The following DTNBP1 variants were observed in gnomAD, a reference collection of about 807,000 sequenced individuals.
The protein encoded by DTNBP1 is dystrobrevin binding protein 1.
DTNBP1 carries 35 observed loss-of-function variants against 42.8 expected under a neutral mutation model. The observed-to-expected ratio is 0.82, with a 90% CI of 0.63 to 1.09. The LOEUF is 1.09. DTNBP1 is among the 50% of genes least tolerant of loss of function. The pLI, the probability that DTNBP1 is intolerant of heterozygous loss-of-function variation, is 0.00. For missense variants in DTNBP1, 457 were observed against 424.2 expected (o/e 1.08, Z -0.68); for synonymous variants, 171 against 162.2 (o/e 1.05, Z -0.41).
At chr6:15,615,450 T>G (rs1758661683) in intron 5 of DTNBP1, 51 bp from the exon 6 acceptor site, 3 of 1,605,136 alleles carry the variant, frequency 1.9e-6, no homozygotes, top group Non-Finnish European at 2.6e-6. Flanking sequence ...TCCTCAATCA[T>G]GATGAATACA....
chr6:15,623,195 A>C (rs1295754643), intron 5 of DTNBP1, among the ~76,000 whole-genome samples: 1 of 152,226 alleles, frequency 6.6e-6, no homozygotes, highest in Non-Finnish European at 1.5e-5. Context: ...CTCAGAAAGG[A>C]ACCTGGACAT....
chr6:15,526,672 C>T (rs770596582), intron 8 of DTNBP1, among the ~76,000 whole-genome samples: 4 of 152,144 alleles, frequency 2.6e-5, no homozygotes, highest in African/African-American at 7.2e-5. Context: ...TTTGAAGGCA[C>T]GCTGGTCAGG....
chr6:15,610,294 C>T (rs561581268), intron 6 of DTNBP1, among the ~76,000 whole-genome samples: 1 of 152,300 alleles, frequency 6.6e-6, no homozygotes, highest in African/African-American at 2.4e-5. Context: ...ATATTGTTGT[C>T]ATTGTTTTGG....
At chr6:15,585,871 G>T in intron 7 of DTNBP1, 1 of 1,422,486 alleles carries the variant, frequency 7.0e-7, no homozygotes, top group Non-Finnish European at 9.2e-7. Context: ...AACAAAGGAA[G>T]TGAGGCTGAA....
intron 3 of DTNBP1, among the ~76,000 whole-genome samples, chr6:15,644,213 T>C (rs975372777): frequency 6.8e-6 from 1 of 147,026 alleles, no homozygotes; most frequent in Non-Finnish European, 1.5e-5. Flanking sequence ...TACAACATAA[T>C]GATAAAGAGC....
chr6:15,581,025 G>C (rs957299415), intron 7 of DTNBP1, among the ~76,000 whole-genome samples: 2 of 152,210 alleles, frequency 1.3e-5, no homozygotes, highest in Non-Finnish European at 2.9e-5. Context: ...AAGGTTGGTA[G>C]AGAGTGTGAA....
chr6:15,560,957 C>T (rs1383224339), intron 7 of DTNBP1, among the ~76,000 whole-genome samples: 10 of 152,254 alleles, frequency 6.6e-5, no homozygotes, highest in Middle Eastern at 3.4e-3. Context: ...ATAATCAGGC[C>T]AGGTATAATA....
intron 7 of DTNBP1, among the ~76,000 whole-genome samples, chr6:15,589,741 T>C (rs898533336): frequency 6.6e-6 from 1 of 152,208 alleles, no homozygotes; most frequent in Non-Finnish European, 1.5e-5. Flanking sequence ...CATCCCTGGA[T>C]ACTCTCCAAG....
chr6:15,630,372 C>A (rs183862887), intron 4 of DTNBP1, among the ~76,000 whole-genome samples: 1 of 152,162 alleles, frequency 6.6e-6, no homozygotes, highest in African/African-American at 2.4e-5. Flanking sequence ...TCCAACACTA[C>A]GTTCAGTTCA....
At chr6:15,539,601 C>T (rs1385398825) in intron 7 of DTNBP1, among the ~76,000 whole-genome samples, 2 of 152,216 alleles carry the variant, frequency 1.3e-5, no homozygotes, top group African/African-American at 4.8e-5. Context: ...GGAATTAAGG[C>T]AGTTCTCAAC....
rs557339687 is a variant in DTNBP1 at position 15,555,211 on chromosome 6, C to T, written c.512-21816G>A. 1.2e-3 allele frequency among the ~76,000 whole-genome samples: 177 copies of T among 150,558 alleles called. 1 individual carries two copies. Among genetic ancestry groups the T allele is most frequent in the African/African-American group, 4.0e-3 (165 of 40,814 alleles). On this transcript the variant is annotated intron_variant, in intron 7 of 9. Coordinates refer to ENST00000344537, the MANE Select transcript of DTNBP1 (RefSeq NM_032122.5). The stretch of plus-strand genomic sequence containing the variant: ...TACGCACACAAGATAAAACACTTTC[C>T]TCTTTGCTGGAATCTCTTAATGTTG...
intron 6 of DTNBP1, among the ~76,000 whole-genome samples, chr6:15,610,304 G>A (rs936250196): frequency 1.3e-5 from 2 of 152,076 alleles, no homozygotes; most frequent in African/African-American, 4.8e-5. Flanking sequence ...CATTGTTTTG[G>A]GGTGCCACAA....
chr6:15,663,016 G>T lies in DTNBP1; in HGVS notation c.-147C>A, dbSNP rs750701439. 1.7e-6 allele frequency: 2 copies of T among 1,168,992 alleles called. No individual in the cohort carries two copies. The highest frequency in any genetic ancestry group is 1.2e-6 in the Non-Finnish European group (1 of 832,692). The allele number at this position is 1,168,992 out of a possible 1,614,324, so 72.4% of individuals were successfully genotyped here. ...CGCCCCCGGTCTGGTCCTCGCCGCC[G>T]CGCCGCAACCCCAGCCCCTTCCGCG... On this transcript the variant is annotated 5_prime_UTR_variant, in exon 1 of 10. Transcript: ENST00000344537.
intron 3 of DTNBP1, among the ~76,000 whole-genome samples, chr6:15,641,654 TGTC>T (rs1441123714): frequency 6.6e-6 from 1 of 152,142 alleles, no homozygotes; most frequent in Non-Finnish European, 1.5e-5. Flanking sequence ...ATACCATACT[TGTC>T]GTGCGCCAGC....
chr6:15,611,616 A>G (rs1390370799), intron 6 of DTNBP1, among the ~76,000 whole-genome samples: 1 of 152,230 alleles, frequency 6.6e-6, no homozygotes, highest in Non-Finnish European at 1.5e-5. Context: ...GCCATTAAGA[A>G]TGTTCATAAT....
intron 1 of DTNBP1, among the ~76,000 whole-genome samples, chr6:15,662,555 G>A (rs1761708892): frequency 6.6e-6 from 1 of 152,126 alleles, no homozygotes; most frequent in African/African-American, 2.4e-5. Context: ...CACCCCCCCC[G>A]GGCGCTCCGC....
intron 1 of DTNBP1, among the ~76,000 whole-genome samples, chr6:15,657,981 T>C (rs1474605): frequency 0.26 from 38,813 of 152,070 alleles, 5,703 homozygotes; most frequent in African/African-American, 0.4. Flanking sequence ...CTAATGACTC[T>C]TTCTTCGGAC....
chr6:15,627,574 T>G, intron 4 of DTNBP1, 99 bp from the exon 5 acceptor site: 1 of 1,517,770 alleles, frequency 6.6e-7, no homozygotes, highest in South Asian at 1.2e-5. Context: ...TAACAACCCC[T>G]CTACTCAGTA....
chr6:15,595,250 CTTTTTTTTT>C (rs561001975), intron 6 of DTNBP1: 174 of 310,208 alleles, frequency 5.6e-4, no homozygotes, highest in East Asian at 1.3e-3. Context: ...TATTATGCAA[CTTTTTTTTT>C]TTTTTTTTTT....
Sources: gnomAD v4.1 joint callset for allele counts (sites outside exome capture counted in the v4.1 genomes callset) on GRCh38, gnomAD v4.1.1 for gene constraint, MANE v1.5 for transcripts, NCBI Gene and HGNC (gene_info 2026-07-23, HGNC 2026-07-21) for gene names.